Variants in ZC2HC1B observed in about 807,000 individuals in gnomAD.
ZC2HC1B encodes the protein zinc finger C2HC domain-containing protein 1B.
Under a neutral mutation model 31.0 loss-of-function variants are expected in ZC2HC1B, and 36 were observed. The observed-to-expected ratio is 1.16, with a 90% CI of 0.89 to 1.54. The LOEUF (loss-of-function observed/expected upper bound fraction) is 1.54. ZC2HC1B is among the 40% of genes most tolerant of loss of function. The pLI, the probability that ZC2HC1B is intolerant of heterozygous loss-of-function variation, is 0.00. For missense variants in ZC2HC1B, 260 were observed against 268.6 expected (o/e 0.97, Z 0.22); for synonymous variants, 73 against 88.0 (o/e 0.83, Z 0.95).
Position 143,886,231 on chromosome 6 carries a change from T to A in ZC2HC1B, c.210+80T>A. On this transcript the variant is annotated intron_variant, in intron 3 of 7. Coordinates refer to ENST00000237275, the MANE Select transcript of ZC2HC1B (RefSeq NM_001013623.3). This position sits in a 1 kb window ranked among gnomAD's most constrained non-coding sequence, Gnocchi z 4.2. The stretch of plus-strand genomic sequence containing the variant: ...CCTATTTCTGGGATTTCTGGTTTCA[T>A]TTTTGCTTGATAATACAGTAATGTA... 1 of 1,354,942 alleles carries A rather than the reference T, an allele frequency of 7.4e-7. No homozygotes were observed. The highest frequency in any genetic ancestry group is 9.5e-7 in the Non-Finnish European group (1 of 1,049,556). The allele number at this position is 1,354,942 out of a possible 1,614,324, so 83.9% of individuals were successfully genotyped here.
rs1442896351 is a variant in ZC2HC1B at position 143,875,606 on chromosome 6, C to T, written c.29-8698C>T. Among the ~76,000 whole-genome samples, 4 of 150,790 alleles carry T rather than the reference C, an allele frequency of 2.7e-5. 1 individual carries two copies. Among genetic ancestry groups the T allele is most frequent in the African/African-American group, 9.8e-5 (4 of 40,864 alleles). On this transcript the variant is annotated intron_variant, in intron 1 of 7. Transcript: ENST00000237275. ...AATATCCATTCCCATGCCTGTTCTC[C>T]AGATTTCTGTTTATATAAGTTAGAA... is the stretch of plus-strand genomic sequence containing the variant.
rs1279621608 is a variant in ZC2HC1B, at chr6:143,911,835, T to G, written c.598+8683T>G. On this transcript the variant is annotated intron_variant, in intron 6 of 7. Transcript: ENST00000237275. This position sits in a 1 kb window ranked among gnomAD's most constrained non-coding sequence, Gnocchi z 4.5. ...GGCCTGTCATGCTAGGTTGGGGAAGTGCTGGATTATATCCTAAAGTGTGTT... is the reference window on the plus strand; with the variant it reads ...GGCCTGTCATGCTAGGTTGGGGAAGGGCTGGATTATATCCTAAAGTGTGTT... 1.3e-5 allele frequency among the ~76,000 whole-genome samples: 2 copies of G among 152,262 alleles called. No homozygotes were observed. Among genetic ancestry groups the G allele is most frequent in the African/African-American group, 2.4e-5 (1 of 41,478 alleles).
At chr6:143,931,403 C>T (rs1482076513) in intron 6 of ZC2HC1B, among the ~76,000 whole-genome samples, 1 of 151,964 alleles carries the variant, frequency 6.6e-6, no homozygotes, top group Non-Finnish European at 1.5e-5. Context: ...TTGCTTTTTT[C>T]ATTTCATTAT....
In ZC2HC1B at chr6:143,915,264, C is replaced by T. The variant is rs1342511311; in HGVS notation, c.598+12112C>T. ...AAAGAGGAGTTCCCCTGCACAATCT[C>T]TGTGGTCTCTTTGCTGCCATGTGAG... On this transcript the variant is annotated intron_variant, in intron 6 of 7. Transcript: ENST00000237275. This position sits in a 1 kb window ranked among gnomAD's most constrained non-coding sequence, Gnocchi z 5.2. 6.6e-6 allele frequency among the ~76,000 whole-genome samples: 1 copy of T among 152,212 alleles called. No individual in the cohort carries two copies. Among genetic ancestry groups the T allele is most frequent in the African/African-American group, 2.4e-5 (1 of 41,444 alleles).
rs1212094441 is a variant in ZC2HC1B, at chr6:143,903,693, C to A, written c.598+541C>A. ...TATCCACAGGGGATTGGTCCCAGGGCCCTAGTGGGTACCAAAACCTGAGAT... is the reference window on the plus strand; with the variant it reads ...TATCCACAGGGGATTGGTCCCAGGGACCTAGTGGGTACCAAAACCTGAGAT... On this transcript the variant is annotated intron_variant, in intron 6 of 7. Transcript: ENST00000237275. This position sits in a 1 kb window ranked among gnomAD's most constrained non-coding sequence, Gnocchi z 4.3. Among the ~76,000 whole-genome samples the A allele has an allele frequency of 6.6e-6, 1 of 152,122 alleles. No homozygotes were observed. The highest frequency in any genetic ancestry group is 1.5e-5 in the Non-Finnish European group (1 of 68,016).
At chr6:143,873,958 C>CA (rs976586702) in intron 1 of ZC2HC1B, among the ~76,000 whole-genome samples, 3 of 152,154 alleles carry the variant, frequency 2.0e-5, no homozygotes, top group African/African-American at 7.2e-5. Context: ...AATTTCTTCT[C>CA]AAAAAATGGG....
intron 6 of ZC2HC1B, among the ~76,000 whole-genome samples, chr6:143,916,116 T>A (rs1777913928): frequency 6.6e-6 from 1 of 152,172 alleles, no homozygotes; most frequent in Non-Finnish European, 1.5e-5. Context: ...ATCCATCTGA[T>A]GTGTGCAGTC....
intron 6 of ZC2HC1B, among the ~76,000 whole-genome samples, chr6:143,914,270 G>T (rs966637368): frequency 6.6e-6 from 1 of 151,834 alleles, no homozygotes; most frequent in Non-Finnish European, 1.5e-5. Flanking sequence ...ATAAGTTTCA[G>T]TGTGTTTTTT....
intron 6 of ZC2HC1B, among the ~76,000 whole-genome samples, chr6:143,910,361 G>C (rs1777842993): frequency 6.6e-6 from 1 of 152,210 alleles, no homozygotes; most frequent in African/African-American, 2.4e-5. Context: ...TTTTGCTTTT[G>C]TTGAGGAGTG....
chr6:143,877,740 G>C (rs1369801026), intron 1 of ZC2HC1B, among the ~76,000 whole-genome samples: 1 of 150,522 alleles, frequency 6.6e-6, no homozygotes, highest in East Asian at 1.9e-4. Context: ...TAATGAACAA[G>C]TGAGCAGTAT....
chr6:143,926,953 G>GGCGCTCGCCACC (rs1778058491), intron 6 of ZC2HC1B, among the ~76,000 whole-genome samples: 1 of 107,218 alleles, frequency 9.3e-6, no homozygotes, highest in African/African-American at 4.0e-5. Flanking sequence ...TGGGACTACA[G>GGCGCTCGCCACC]GCGCCCGGCT....
chr6:143,883,378 T>C lies in ZC2HC1B; in HGVS notation c.29-926T>C, dbSNP rs900140908. Among the ~76,000 whole-genome samples, 10 of 152,192 alleles carry C rather than the reference T, an allele frequency of 6.6e-5. No individual in the cohort carries two copies. The highest frequency in any genetic ancestry group is 1.3e-4 in the Non-Finnish European group (9 of 68,030). ...TCACTAAACTCCGCTCTTCTCCCAC[T>C]ATACTCGCAATCCATTTGCCCCTTC... On this transcript the variant is annotated intron_variant, in intron 1 of 7. Coordinates refer to ENST00000237275, the MANE Select transcript of ZC2HC1B (RefSeq NM_001013623.3). The surrounding 1 kb of genome is among the most constrained non-coding windows in gnomAD (Gnocchi z 4.1).
At position 143,895,599 on chromosome 6, in the gene ZC2HC1B, A is replaced by G. The variant is rs976478287; in HGVS notation, c.350-2953A>G. 6.6e-6 allele frequency among the ~76,000 whole-genome samples: 1 copy of G among 152,094 alleles called. No homozygotes were observed. Among genetic ancestry groups the G allele is most frequent in the African/African-American group, 2.4e-5 (1 of 41,416 alleles). The stretch of plus-strand genomic sequence containing the variant: ...GATTCAGTTTTTGAGACATGCCTAT[A>G]TTCTACTTTTTAGTGACTTAGCTAA... On this transcript the variant is annotated intron_variant, in intron 4 of 7. Coordinates refer to ENST00000237275, the MANE Select transcript of ZC2HC1B (RefSeq NM_001013623.3). The surrounding 1 kb of genome is among the most constrained non-coding windows in gnomAD (Gnocchi z 4.8).
intron 6 of ZC2HC1B, among the ~76,000 whole-genome samples, chr6:143,920,014 A>G (rs969117246): frequency 6.6e-6 from 1 of 152,178 alleles, no homozygotes; most frequent in African/African-American, 2.4e-5. Context: ...AAAAAAATTT[A>G]AATTGTATGT....
chr6:143,867,234 A>G (rs1263182243), intron 1 of ZC2HC1B, among the ~76,000 whole-genome samples: 5 of 152,172 alleles, frequency 3.3e-5, no homozygotes, highest in Non-Finnish European at 7.3e-5. Flanking sequence ...TGCATTAAGT[A>G]TTTCCTTCTT....
rs749086019 is a variant in ZC2HC1B, at chr6:143,908,594, T to C, written c.598+5442T>C. 1.9e-4 allele frequency among the ~76,000 whole-genome samples: 29 copies of C among 152,190 alleles called. No individual in the cohort carries two copies. The highest frequency in any genetic ancestry group is 2.5e-4 in the Non-Finnish European group (17 of 68,028). ...TCTCAGCTTGCCTGTTGTTTGTGTA[T>C]AGGAATGCTAGCAATTTTTGCACAT... is the stretch of plus-strand genomic sequence containing the variant. On this transcript the variant is annotated intron_variant, in intron 6 of 7. Coordinates refer to ENST00000237275, the MANE Select transcript of ZC2HC1B (RefSeq NM_001013623.3). This position sits in a 1 kb window ranked among gnomAD's most constrained non-coding sequence, Gnocchi z 4.4.
chr6:143,935,614 A>G (rs1778167029), intron 6 of ZC2HC1B, among the ~76,000 whole-genome samples: 1 of 146,628 alleles, frequency 6.8e-6, no homozygotes, highest in South Asian at 2.2e-4. Context: ...ATTCAGATTG[A>G]CAATCAGTAG....
At position 143,884,238 on chromosome 6, in the gene ZC2HC1B, C is replaced by A; in HGVS notation, c.29-66C>A. Reference sequence around the variant, plus strand: ...TCAAGCTATTGAGGTCACCTCCAGTCAGTCATTTCTTCTCAGCGAGGAAAT... The same window carrying A: ...TCAAGCTATTGAGGTCACCTCCAGTAAGTCATTTCTTCTCAGCGAGGAAAT... On this transcript the variant is annotated intron_variant, in intron 1 of 7. Coordinates refer to ENST00000237275, the MANE Select transcript of ZC2HC1B (RefSeq NM_001013623.3). The surrounding 1 kb of genome is among the most constrained non-coding windows in gnomAD (Gnocchi z 5.1). The A allele has an allele frequency of 7.0e-7, 1 of 1,419,576 alleles. No individual in the cohort carries two copies. The highest frequency in any genetic ancestry group is 1.4e-5 in the South Asian group (1 of 74,012). The allele number at this position is 1,419,576 out of a possible 1,614,324, so 87.9% of individuals were successfully genotyped here. A position where few individuals can be genotyped will look rare whatever the true frequency, so the allele number is the denominator to read the frequency against.
In ZC2HC1B at chr6:143,928,432, C is replaced by T. The variant is rs1230763104; in HGVS notation, c.599-9217C>T. Among the ~76,000 whole-genome samples, 7 of 152,038 alleles carry T rather than the reference C, an allele frequency of 4.6e-5. No homozygotes were observed. The East Asian group carries it at 1.3e-3, about 29-fold the overall frequency. ...ATATCAGTTGGCTATAGGTATGTGG[C>T]TTTATTTCTGGGTCTTCTATTCTGT... On this transcript the variant is annotated intron_variant, in intron 6 of 7. Transcript: ENST00000237275.
Sources: allele counts gnomAD v4.1 joint callset (sites outside exome capture counted in the v4.1 genomes callset), GRCh38; gene constraint gnomAD v4.1.1; non-coding constraint Gnocchi (gnomAD v3.1); transcripts MANE v1.5; gene names NCBI Gene and HGNC (gene_info 2026-07-23, HGNC 2026-07-21).